LSS: variants seen among roughly 807,000 people sequenced by gnomAD.
LSS encodes lanosterol synthase.
Under a neutral mutation model 110.3 loss-of-function variants are expected in LSS, and 90 were observed. The ratio of observed to expected loss-of-function variants is 0.82; its 90% CI spans 0.69 to 0.97. The LOEUF is 0.97. Ranked by LOEUF, LSS falls within the 50% of genes least tolerant of loss-of-function variation. The pLI is 0.00. For missense variants in LSS, 927 were observed against 990.0 expected (o/e 0.94, Z 0.85); for synonymous variants, 433 against 400.0 (o/e 1.08, Z -0.98).
intron 3 of LSS, among the ~76,000 whole-genome samples, chr21:46,223,906 C>A (rs1027155566): frequency 6.6e-6 from 1 of 152,182 alleles, no homozygotes; most frequent in African/African-American, 2.4e-5. Flanking sequence ...ACAACACCCG[C>A]TACTTAGCAG....
intron 21 of LSS, among the ~76,000 whole-genome samples, chr21:46,191,518 C>T (rs915358678): frequency 1.3e-5 from 2 of 152,166 alleles, no homozygotes; most frequent in East Asian, 1.9e-4. Flanking sequence ...CAGGGGAGGG[C>T]GGTTGGCCTC....
chr21:46,208,426 T>C, intron 13 of LSS, 125 bp from the exon 14 acceptor site: 1 of 860,260 alleles, frequency 1.2e-6, no homozygotes, highest in Non-Finnish European at 1.9e-6. Context: ...GAGCTTACTC[T>C]GCCGGCCACA....
At chr21:46,194,811 G>A (rs939099312) in intron 19 of LSS, 150 bp from the exon 20 acceptor site, 4 of 705,822 alleles carry the variant, frequency 5.7e-6, no homozygotes, top group Admixed American at 3.0e-5. Context: ...ACTGAAACCC[G>A]AGCTTGACTT....
Position 46,188,900 on chromosome 21 carries a change from T to C in LSS, c.*2204A>G, listed in dbSNP as rs1938505915. The C allele has an allele frequency of 2.4e-6, 1 of 412,296 alleles. No individual in the cohort carries two copies. Among genetic ancestry groups the C allele is most frequent in the South Asian group, 1.8e-5 (1 of 54,768 alleles). The allele number at this position is 412,296 out of a possible 1,614,324, so 25.5% of individuals were successfully genotyped here. On this transcript the variant is annotated 3_prime_UTR_variant, in exon 22 of 22. Coordinates refer to ENST00000397728, the MANE Select transcript of LSS (RefSeq NM_002340.6). ...TCACGTTTATTTATCTTCCTGGATA[T>C]GCTTATGGCCTTTAAAACATATTAA...
intron 15 of LSS, 79 bp from the exon 16 acceptor site, chr21:46,206,847 A>G: frequency 1.9e-6 from 2 of 1,044,296 alleles, no homozygotes; most frequent in Non-Finnish European, 3.0e-6. Context: ...GGAACTCTCT[A>G]GAGGCAACAC....
rs767107721 is a variant in LSS at position 46,221,838 on chromosome 21, G to A, written c.550+16C>T. The A allele has an allele frequency of 5.0e-5, 80 of 1,613,718 alleles. No homozygotes were observed. Among genetic ancestry groups the A allele is most frequent in the Non-Finnish European group, 5.9e-5 (70 of 1,180,000 alleles). ...GACACGAACCCCTGGCCCAGCACAT[G>A]CTGCACATGCCGTACCTTTCTTGTG... On this transcript the variant is annotated intron_variant, in intron 5 of 21. Transcript: ENST00000397728.
chr21:46,210,944 C>G (rs1226366260), intron 11 of LSS, among the ~76,000 whole-genome samples, 200 bp from the exon 12 acceptor site: 1 of 152,240 alleles, frequency 6.6e-6, no homozygotes, highest in East Asian at 1.9e-4. Context: ...GGCAGACACA[C>G]GTCGGGGAGA....
Position 46,221,977 on chromosome 21 carries a change from T to C in LSS, c.429-2A>G. The C allele has an allele frequency of 1.2e-6, 2 of 1,614,170 alleles. No homozygotes were observed. Among genetic ancestry groups the C allele is most frequent in the Non-Finnish European group, 1.7e-6 (2 of 1,180,012 alleles). On this transcript the variant is annotated splice_acceptor_variant, in intron 4 of 21. Transcript: ENST00000397728. LOFTEE classifies it high-confidence loss of function. ...ACGGTGGACTTATCCTCAATGTGCC[T>C]ACAGGAGCAGAGGACAGGTGAGAAA...
intron 16 of LSS, among the ~76,000 whole-genome samples, chr21:46,206,253 A>G (rs2080047284): frequency 6.6e-6 from 1 of 152,092 alleles, no homozygotes; most frequent in African/African-American, 2.4e-5. Context: ...CTCCCCCAAG[A>G]CCAGTACGGT....
intron 12 of LSS, 62 bp downstream of exon 12, chr21:46,210,626 T>C: frequency 1.3e-6 from 2 of 1,515,110 alleles, no homozygotes; most frequent in Non-Finnish European, 1.8e-6. Flanking sequence ...CTCAGGTGGA[T>C]GCGTGGGCTC....
chr21:46,194,741 T>G, intron 19 of LSS, 80 bp from the exon 20 acceptor site: 1 of 1,456,094 alleles, frequency 6.9e-7, no homozygotes, highest in South Asian at 1.3e-5. Context: ...GCAGGCTGCC[T>G]TGGGGTACGG....
intron 17 of LSS, 181 bp from the exon 18 acceptor site, chr21:46,196,448 G>A (rs1299872336): frequency 1.2e-5 from 7 of 597,178 alleles, no homozygotes; most frequent in African/African-American, 3.7e-5. Context: ...ACACCAGAGC[G>A]GGAAGCGGAT....
chr21:46,222,940 G>A (rs1196208141), intron 3 of LSS, among the ~76,000 whole-genome samples: 1 of 152,320 alleles, frequency 6.6e-6, no homozygotes, highest in Non-Finnish European at 1.5e-5. Flanking sequence ...CAGCACAGGC[G>A]ATGCTCCCTG....
chr21:46,207,517 C>T lies in LSS; in HGVS notation c.1378G>A (p.Ala460Thr), dbSNP rs368794734. Residue 460 changes from alanine (A) to threonine (T), a missense_variant, in exon 15 of 22, where the codon GCC becomes ACC. Physicochemically the swap from Ala to Thr is moderately conservative, Grantham distance 58. Coordinates refer to ENST00000397728, the MANE Select transcript of LSS (RefSeq NM_002340.6). ...GWIVSDCTAE[A>T]LKAVLLLQEK... ...TGCAGGAGCAGCACAGCCTTCAAGG[C>T]CTCAGCCGTGCAGTCAGAAACGATC... The T allele has an allele frequency of 7.4e-6, 12 of 1,612,152 alleles. No homozygotes were observed. The African/African-American group carries it at 1.6e-4, about 22-fold the overall frequency.
rs1014203513 is a variant in LSS, at chr21:46,209,197, T to C, written c.1266+357A>G. ...AGTCCACAGGCTGGCGTCACCTCCA[T>C]GGGCAGAAGGTGCTTCAGAGACATG... On this transcript the variant is annotated intron_variant, in intron 13 of 21. Transcript: ENST00000397728. This position sits in a 1 kb window ranked among gnomAD's most constrained non-coding sequence, Gnocchi z 4.4. Among the ~76,000 whole-genome samples the C allele has an allele frequency of 6.6e-6, 1 of 152,092 alleles. No individual in the cohort carries two copies. The highest frequency in any genetic ancestry group is 1.5e-5 in the Non-Finnish European group (1 of 67,994).
At chr21:46,197,202 A>G (rs1475388549) in intron 17 of LSS, among the ~76,000 whole-genome samples, 2 of 152,272 alleles carry the variant, frequency 1.3e-5, no homozygotes, top group Non-Finnish European at 2.9e-5. Flanking sequence ...AATATTAGCA[A>G]TAAAAAGATA....
In LSS at chr21:46,209,411, G is replaced by A. The variant is rs995509676; in HGVS notation, c.1266+143C>T. 2.1e-5 allele frequency: 15 copies of A among 715,064 alleles called. 1 individual carries two copies. The African/African-American group carries it at 2.7e-4, about 13-fold the overall frequency. 44.3% of individuals were successfully genotyped at this position (715,064 alleles called of 1,614,324 possible). A position where few individuals can be genotyped will look rare whatever the true frequency, so the allele number is the denominator to read the frequency against. On this transcript the variant is annotated intron_variant, in intron 13 of 21. Transcript: ENST00000397728. This position sits in a 1 kb window ranked among gnomAD's most constrained non-coding sequence, Gnocchi z 4.4. ...CGGTGGATGGAGCAGGGGCTAGGGAGGGGATGGGAGGGTGGGGGTGACCTG... is the reference window on the plus strand; with the variant it reads ...CGGTGGATGGAGCAGGGGCTAGGGAAGGGATGGGAGGGTGGGGGTGACCTG...
In LSS at chr21:46,225,503, G is replaced by T. The variant is rs1601453308; in HGVS notation, c.319+2049C>A. 3 of 421,958 alleles carry T rather than the reference G, an allele frequency of 7.1e-6. No homozygotes were observed. In the East Asian group the frequency reaches 2.1e-4, roughly 30 times the overall value. 26.1% of individuals were successfully genotyped at this position (421,958 alleles called of 1,614,324 possible). On this transcript the variant is annotated intron_variant, in intron 3 of 21. Transcript: ENST00000397728. ...AGAAGACTCTACTCCTCCACCTCTTGTGGACGGCCTGACATCAGTCAGGCC... is the reference window on the plus strand; with the variant it reads ...AGAAGACTCTACTCCTCCACCTCTTTTGGACGGCCTGACATCAGTCAGGCC...
In LSS at chr21:46,211,338, C is replaced by T. The variant is rs139048746; in HGVS notation, c.1138-594G>A. On this transcript the variant is annotated intron_variant, in intron 11 of 21. Coordinates refer to ENST00000397728, the MANE Select transcript of LSS (RefSeq NM_002340.6). ...TAGCATCGGGGTTTCACCATGTTAGCCAGGATGGTCTCTATCTCCTGACCT... is the reference window on the plus strand; with the variant it reads ...TAGCATCGGGGTTTCACCATGTTAGTCAGGATGGTCTCTATCTCCTGACCT... Among the ~76,000 whole-genome samples the T allele has an allele frequency of 2.9e-3, 435 of 152,224 alleles. 4 individuals are homozygous for T. The highest frequency in any genetic ancestry group is 9.9e-3 in the African/African-American group (410 of 41,524).
Sources: allele counts gnomAD v4.1 joint callset (sites outside exome capture counted in the v4.1 genomes callset), GRCh38; gene constraint gnomAD v4.1.1; non-coding constraint Gnocchi (gnomAD v3.1); transcripts MANE v1.5; gene names NCBI Gene and HGNC (gene_info 2026-07-23, HGNC 2026-07-21).